The following NRG1 variants were observed in gnomAD, a reference collection of about 807,000 sequenced individuals.
The protein encoded by NRG1 is neuregulin 1.
Under a neutral mutation model 63.8 loss-of-function variants are expected in NRG1, and 18 were observed. The observed-to-expected ratio is 0.28, with a 90% CI of 0.19 to 0.42. NRG1 has a LOEUF of 0.42. Among genes scored for constraint, NRG1 ranks in the 10% least tolerant of loss-of-function variants. NRG1 has a pLI of 1.00. For missense variants in NRG1, 762 were observed against 814.7 expected (o/e 0.94, Z 0.79); for synonymous variants, 302 against 301.3 (o/e 1.00, Z -0.02).
chr8:31,773,165 G>A (rs1818798130), intron 1 of NRG1, among the ~76,000 whole-genome samples: 1 of 152,104 alleles, frequency 6.6e-6, no homozygotes, highest in Admixed American at 6.5e-5. Context: ...CCCATGGATG[G>A]GTAAAAGAAA....
chr8:32,087,026 T>C (rs1277147421), intron 1 of NRG1, among the ~76,000 whole-genome samples: 1 of 152,168 alleles, frequency 6.6e-6, no homozygotes, highest in Non-Finnish European at 1.5e-5. Flanking sequence ...TCGAATAGCA[T>C]CTCCCCATTT....
At chr8:32,609,629 C>T (rs1168378159) in intron 3 of NRG1, among the ~76,000 whole-genome samples, 3 of 129,786 alleles carry the variant, frequency 2.3e-5, no homozygotes, top group Non-Finnish European at 4.9e-5. Flanking sequence ...CTTTCCCTCC[C>T]TCCCTCCCTC....
intron 1 of NRG1, among the ~76,000 whole-genome samples, chr8:31,841,736 G>A (rs951010488): frequency 6.6e-6 from 1 of 152,068 alleles, no homozygotes; most frequent in African/African-American, 2.4e-5. Flanking sequence ...ATTTTACTGA[G>A]CTCCTCAACT....
chr8:32,617,819 A>G (rs1263819493), intron 5 of NRG1, among the ~76,000 whole-genome samples: 1 of 152,166 alleles, frequency 6.6e-6, no homozygotes, highest in African/African-American at 2.4e-5. Context: ...CCTTTTGGCA[A>G]TTTAAGTTGT....
At chr8:32,194,556 A>G (rs1842789079) in intron 1 of NRG1, among the ~76,000 whole-genome samples, 1 of 152,130 alleles carries the variant, frequency 6.6e-6, no homozygotes, top group Non-Finnish European at 1.5e-5. Flanking sequence ...CCCTGGCAGG[A>G]TAAAAATTCA....
chr8:32,412,423 CATATATATATATATAT>C (rs1178545836), intron 1 of NRG1, among the ~76,000 whole-genome samples: 1 of 93,022 alleles, frequency 1.1e-5, no homozygotes, highest in Non-Finnish European at 2.1e-5. Context: ...TCTCTCTCTA[CATATATATATATATAT>C]ATATATATAT....
intron 5 of NRG1, among the ~76,000 whole-genome samples, chr8:32,649,864 G>A (rs1189110615): frequency 6.6e-6 from 1 of 152,076 alleles, no homozygotes; most frequent in Admixed American, 6.6e-5. Flanking sequence ...AAAGTGACTG[G>A]GAAATAATAC....
At chr8:32,228,831 C>T (rs2132560321) in intron 1 of NRG1, among the ~76,000 whole-genome samples, 1 of 152,202 alleles carries the variant, frequency 6.6e-6, no homozygotes, top group Non-Finnish European at 1.5e-5. Context: ...TGCATACTTA[C>T]CAAGTTAAAC....
intron 1 of NRG1, among the ~76,000 whole-genome samples, chr8:32,225,300 A>C (rs992213060): frequency 6.6e-6 from 1 of 152,174 alleles, no homozygotes; most frequent in African/African-American, 2.4e-5. Context: ...TCCAGATAGG[A>C]TATGTCTAAT....
rs543861918 is a variant in NRG1 at position 32,313,471 on chromosome 8, G to GA, written c.38-282350dup. Among the ~76,000 whole-genome samples, 729 of 152,058 alleles carry GA rather than the reference G, an allele frequency of 4.8e-3. 8 individuals carry two copies. The highest frequency in any genetic ancestry group is 0.017 in the African/African-American group (705 of 41,488). On this transcript the variant is annotated intron_variant, in intron 1 of 10. Transcript: ENST00000519301. ...AAATGCCGAAGTGTCTTAATCTTTT[G>GA]AAAAAAATTATCTCAAATTTACATT... is the stretch of plus-strand genomic sequence containing the variant.
intron 1 of NRG1, among the ~76,000 whole-genome samples, chr8:31,851,590 A>C (rs970959767): frequency 5.3e-5 from 8 of 151,934 alleles, no homozygotes; most frequent in Non-Finnish European, 7.4e-5. Context: ...ATGGGAATAC[A>C]TTCTTATTTT....
intron 1 of NRG1, among the ~76,000 whole-genome samples, chr8:31,844,764 C>A (rs1382499610): frequency 1.3e-5 from 2 of 151,632 alleles, no homozygotes; most frequent in East Asian, 3.9e-4. Context: ...TCTGTAGGCT[C>A]TGGTACATTC....
chr8:32,221,770 G>C (rs920198879), intron 1 of NRG1, among the ~76,000 whole-genome samples: 1 of 150,506 alleles, frequency 6.6e-6, no homozygotes. Flanking sequence ...TGAATCTCTT[G>C]TGTTGGCATT....
intron 5 of NRG1, among the ~76,000 whole-genome samples, chr8:32,721,233 A>G (rs917430632): frequency 6.6e-6 from 1 of 152,224 alleles, no homozygotes; most frequent in Non-Finnish European, 1.5e-5. Flanking sequence ...CTCCTTTAAA[A>G]TATAGGATAA....
chr8:31,741,678 C>G (rs1815291353), intron 1 of NRG1, among the ~76,000 whole-genome samples: 1 of 151,968 alleles, frequency 6.6e-6, no homozygotes, highest in Non-Finnish European at 1.5e-5. Flanking sequence ...GATCATTTAT[C>G]ATCCAGTATT....
intron 5 of NRG1, among the ~76,000 whole-genome samples, chr8:32,679,287 C>T (rs1029992595): frequency 2.0e-5 from 3 of 152,014 alleles, no homozygotes; most frequent in Non-Finnish European, 4.4e-5. Flanking sequence ...ATAATGCCAG[C>T]GATTTAACTG....
Position 32,416,307 on chromosome 8 carries a change from C to T in NRG1, c.38-179521C>T, listed in dbSNP as rs374695923. Among the ~76,000 whole-genome samples the T allele has an allele frequency of 2.6e-3, 369 of 140,136 alleles. 3 individuals carry two copies. The highest frequency in any genetic ancestry group is 9.2e-3 in the African/African-American group (359 of 38,858). 91.9% of individuals were successfully genotyped at this position (140,136 alleles called of 152,430 possible). A position where few individuals can be genotyped will look rare whatever the true frequency, so the allele number is the denominator to read the frequency against. On this transcript the variant is annotated intron_variant, in intron 1 of 10. Transcript: ENST00000519301. ...TCCCCGCTTTCACCTTCCTTCCTCCCTCCCTCCCTCCCTTCCTTCCTTAAT... is the reference window on the plus strand; with the variant it reads ...TCCCCGCTTTCACCTTCCTTCCTCCTTCCCTCCCTCCCTTCCTTCCTTAAT...
At position 32,742,920 on chromosome 8, in the gene NRG1, C is replaced by T. The variant is rs75782941; in HGVS notation, c.691+187C>T. The T allele has an allele frequency of 1.9e-4, 285 of 1,475,810 alleles. 1 individual carries two copies. The highest frequency in any genetic ancestry group is 7.0e-4 in the Admixed American group (32 of 45,840). 91.4% of individuals were successfully genotyped at this position (1,475,810 alleles called of 1,614,324 possible). A position where few individuals can be genotyped will look rare whatever the true frequency, so the allele number is the denominator to read the frequency against. On this transcript the variant is annotated intron_variant, in intron 7 of 11. Coordinates refer to ENST00000356819, the Ensembl canonical transcript of NRG1. The surrounding 1 kb of genome is among the most constrained non-coding windows in gnomAD (Gnocchi z 4.2). ...GCAATTGTATTACTTCCTCTGTTCG[C>T]GACTAGTTGGCTCTGAGATACTAAT...
At chr8:32,344,381 T>TCTTTTTCTTTCTTTCTTTCTTTCTTC (rs1563338245) in intron 1 of NRG1, among the ~76,000 whole-genome samples, 8 of 90,116 alleles carry the variant, frequency 8.9e-5, no homozygotes, top group Admixed American at 1.1e-4. Context: ...TTTCTTTCTT[T>TCTTTTTCTTTCTTTCTTTCTTTCTTC]CTCTTTCTTT....
Sources: allele counts gnomAD v4.1 joint callset (sites outside exome capture counted in the v4.1 genomes callset), GRCh38; gene constraint gnomAD v4.1.1; non-coding constraint Gnocchi (gnomAD v3.1); transcripts MANE v1.5; gene names NCBI Gene and HGNC (gene_info 2026-07-23, HGNC 2026-07-21).